The following NDFIP1 variants were observed in gnomAD, a reference collection of about 807,000 sequenced individuals.
The protein encoded by NDFIP1 is NEDD4 family-interacting protein 1.
Under a neutral mutation model 28.8 loss-of-function variants are expected in NDFIP1, and 7 were observed. The ratio of observed to expected loss-of-function variants is 0.24; its 90% CI spans 0.14 to 0.46. The LOEUF is 0.46. Ranked by LOEUF, NDFIP1 falls within the 20% of genes least tolerant of loss-of-function variation. NDFIP1 has a pLI of 0.99. For synonymous variants in NDFIP1, 92 were observed against 101.0 expected (o/e 0.91, Z 0.53); for missense variants, 194 against 269.1 (o/e 0.72, Z 1.95).
At chr5:142,116,351 T>C (rs532795268) in intron 1 of NDFIP1, among the ~76,000 whole-genome samples, 107 of 61,208 alleles carry the variant, frequency 1.7e-3, no homozygotes, top group African/African-American at 6.7e-3. Context: ...TCCTTCCTTC[T>C]TTCTCTCTCT....
At chr5:142,142,252 C>G (rs1757339769) in intron 6 of NDFIP1, among the ~76,000 whole-genome samples, 2 of 152,124 alleles carry the variant, frequency 1.3e-5, no homozygotes, top group Admixed American at 1.3e-4. Context: ...CTACCACCTC[C>G]TCAACAGCAT....
chr5:142,116,323 TTTCC>T (rs58709020), intron 1 of NDFIP1, among the ~76,000 whole-genome samples: 38,200 of 148,104 alleles, frequency 0.26, 5,338 homozygotes, highest in South Asian at 0.41. Flanking sequence ...TATTTATTTA[TTTCC>T]TTCCTTCCTT....
intron 1 of NDFIP1, among the ~76,000 whole-genome samples, chr5:142,120,187 C>T (rs188732266): frequency 2.1e-3 from 323 of 152,224 alleles, no homozygotes; most frequent in Non-Finnish European, 3.9e-3. Flanking sequence ...AACTCCTGAC[C>T]TCAGGCAATC....
At position 142,152,022 on chromosome 5, in the gene NDFIP1, T is replaced by A. The variant is rs1320691669; in HGVS notation, c.*294T>A. On this transcript the variant is annotated 3_prime_UTR_variant, in exon 8 of 8. Transcript: ENST00000253814. ...CCTTATATATTGTTTGTAGTCATTT[T>A]AAGTAGCATGAGCCATGTCCCTGTA... 1.3e-5 allele frequency: 2 copies of A among 152,820 alleles called. No homozygotes were observed. The highest frequency in any genetic ancestry group is 3.7e-4 in the East Asian group (2 of 5,340). 9.5% of individuals were successfully genotyped at this position (152,820 alleles called of 1,614,324 possible).
chr5:142,135,147 T>G (rs1757261187), intron 3 of NDFIP1, among the ~76,000 whole-genome samples: 2 of 98,328 alleles, frequency 2.0e-5, no homozygotes, highest in South Asian at 5.9e-4. Flanking sequence ...CCCGGCTAAT[T>G]TTTTTGTATT....
chr5:142,131,717 G>T, intron 1 of NDFIP1, 91 bp from the exon 2 acceptor site: 1 of 954,300 alleles, frequency 1.0e-6, no homozygotes. Context: ...TTGCCAAATA[G>T]CTTTCGAGAA....
In NDFIP1 at chr5:142,140,668, A is replaced by G; in HGVS notation, c.562+39A>G. 4.6e-6 allele frequency: 7 copies of G among 1,517,826 alleles called. No homozygotes were observed. The South Asian group carries it at 8.3e-5, about 18-fold the overall frequency. 94.0% of individuals were successfully genotyped at this position (1,517,826 alleles called of 1,614,324 possible). A position where few individuals can be genotyped will look rare whatever the true frequency, so the allele number is the denominator to read the frequency against. ...ATGTAAGAAAAGGCAAGAAAACATT[A>G]CATTAAATTTTATAAGTAAAATTAC... On this transcript the variant is annotated intron_variant, in intron 6 of 7. Coordinates refer to ENST00000253814, the MANE Select transcript of NDFIP1 (RefSeq NM_030571.4).
intron 5 of NDFIP1, among the ~76,000 whole-genome samples, chr5:142,139,307 T>C (rs544277302): frequency 4.6e-5 from 7 of 152,262 alleles, no homozygotes; most frequent in African/African-American, 1.7e-4. Context: ...CAAAATGGCT[T>C]AGAAAAAAAT....
intron 1 of NDFIP1, among the ~76,000 whole-genome samples, chr5:142,127,596 A>G (rs1757183599): frequency 6.6e-6 from 1 of 152,232 alleles, no homozygotes; most frequent in Admixed American, 6.5e-5. Context: ...GTAGTTCTGT[A>G]TTAAACTCTA....
chr5:142,117,728 C>CATT (rs747339796), intron 1 of NDFIP1, among the ~76,000 whole-genome samples: 1 of 116,122 alleles, frequency 8.6e-6, no homozygotes, highest in Non-Finnish European at 1.7e-5. Flanking sequence ...GTTCTACAGG[C>CATT]TTTTTTTTTT....
At chr5:142,124,982 C>T (rs557941823) in intron 1 of NDFIP1, among the ~76,000 whole-genome samples, 5 of 152,256 alleles carry the variant, frequency 3.3e-5, no homozygotes, top group Admixed American at 1.3e-4. Flanking sequence ...CCCACCATCA[C>T]GCCCAGCTAA....
rs756302358 is a variant in NDFIP1, at chr5:142,137,900, A to G, written c.495+42A>G. 8.4e-6 allele frequency: 13 copies of G among 1,551,376 alleles called. No homozygotes were observed. The Middle Eastern group carries it at 5.2e-4, about 62-fold the overall frequency. ...AAAAGATGGGCTCTACAGAGAGGCAATAATCAGAATATTTTTGAATATTCG... is the reference window on the plus strand; with the variant it reads ...AAAAGATGGGCTCTACAGAGAGGCAGTAATCAGAATATTTTTGAATATTCG... On this transcript the variant is annotated intron_variant, in intron 5 of 7. Coordinates refer to ENST00000253814, the MANE Select transcript of NDFIP1 (RefSeq NM_030571.4).
intron 1 of NDFIP1, among the ~76,000 whole-genome samples, chr5:142,112,545 A>C (rs1448596617): frequency 6.6e-6 from 1 of 150,834 alleles, no homozygotes; most frequent in Non-Finnish European, 1.5e-5. Flanking sequence ...AAAAAAAAAA[A>C]AAAAAAGGCA....
Position 142,137,805 on chromosome 5 carries a change from G to A in NDFIP1, c.442G>A (p.Gly148Arg). Reference protein sequence around the residue: ...CLTTSAAGRYGAISGFGLSLI... With the variant: ...CLTTSAAGRYRAISGFGLSLI... ...GACCACTTCAGCTGCAGGAAGGTATGGGGCCATTTCAGGATTTGGTCTCTC... is the reference window on the plus strand; with the variant it reads ...GACCACTTCAGCTGCAGGAAGGTATAGGGCCATTTCAGGATTTGGTCTCTC... Residue 148 changes from glycine (G) to arginine (R), a missense_variant, in exon 5 of 8, where the codon GGG becomes AGG. Transcript: ENST00000253814. The A allele has an allele frequency of 6.2e-7, 1 of 1,614,172 alleles. No homozygotes were observed. The highest frequency in any genetic ancestry group is 8.5e-7 in the Non-Finnish European group (1 of 1,180,010).
intron 7 of NDFIP1, among the ~76,000 whole-genome samples, chr5:142,149,404 G>A (rs1757422804): frequency 6.8e-6 from 1 of 147,658 alleles, no homozygotes; most frequent in African/African-American, 2.5e-5. Flanking sequence ...CTTCCTCTTG[G>A]AATTAAATGA....
Position 142,141,168 on chromosome 5 carries a change from C to CTTT in NDFIP1, c.562+565_562+567dup, listed in dbSNP as rs1161113130. Among the ~76,000 whole-genome samples, 68 of 59,952 alleles carry CTTT rather than the reference C, an allele frequency of 1.1e-3. 6 individuals are homozygous for CTTT. The highest frequency in any genetic ancestry group is 3.2e-3 in the East Asian group (6 of 1,900). The allele number at this position is 59,952 out of a possible 152,430, so 39.3% of individuals were successfully genotyped here. On this transcript the variant is annotated intron_variant, in intron 6 of 7. Coordinates refer to ENST00000253814, the MANE Select transcript of NDFIP1 (RefSeq NM_030571.4). ...AACTATTTTACAATAGGCAAGAGGA[C>CTTT]TTTTTTTTTTTTTTTTTTTTTTTTT...
chr5:142,119,567 G>A (rs1757102340), intron 1 of NDFIP1, among the ~76,000 whole-genome samples: 1 of 151,926 alleles, frequency 6.6e-6, no homozygotes, highest in South Asian at 2.1e-4. Flanking sequence ...TTCTTTCTTT[G>A]TGCTATCAAG....
At chr5:142,128,321 G>T (rs1034511474) in intron 1 of NDFIP1, among the ~76,000 whole-genome samples, 10 of 152,176 alleles carry the variant, frequency 6.6e-5, no homozygotes, top group African/African-American at 2.4e-4. Flanking sequence ...GAGCTCCAGG[G>T]ACATGGCAGG....
intron 3 of NDFIP1, among the ~76,000 whole-genome samples, chr5:142,132,991 G>A (rs747303752): frequency 1.5e-4 from 23 of 152,256 alleles, no homozygotes; most frequent in Non-Finnish European, 2.4e-4. Flanking sequence ...GTGGGAGAAT[G>A]GAAGCAGGAT....
Sources: allele counts gnomAD v4.1 joint callset (sites outside exome capture counted in the v4.1 genomes callset), GRCh38; gene constraint gnomAD v4.1.1; transcripts MANE v1.5; gene names NCBI Gene and HGNC (gene_info 2026-07-23, HGNC 2026-07-21).